CHST10: variants seen among roughly 807,000 people sequenced by gnomAD.
The protein encoded by CHST10 is HNK-1 sulfotransferase.
In CHST10, 24 loss-of-function variants were observed where a neutral mutation model predicts 34.7. The ratio of observed to expected loss-of-function variants is 0.69; its 90% confidence interval spans 0.50 to 0.97. CHST10 has a LOEUF of 0.97. Among genes scored for constraint, CHST10 ranks in the 50% least tolerant of loss-of-function variants. The pLI is 0.00. For synonymous variants in CHST10, 161 were observed against 169.3 expected (o/e 0.95, Z 0.38); for missense variants, 402 against 452.1 (o/e 0.89, Z 1.00).
chr2:100,393,413 G>C lies in CHST10; in HGVS notation c.903C>G (p.His301Gln), dbSNP rs1303948313. ...PYILKEAGID[H>Q]LVSYPTIPPG... is the part of the protein sequence containing the mutation. ...GAGGGATAGTCGGGTATGACACCAGGTGGTCAATGCCAGCCTCTTTTAAGA... is the reference window on the plus strand; with the variant it reads ...GAGGGATAGTCGGGTATGACACCAGCTGGTCAATGCCAGCCTCTTTTAAGA... Residue 301 changes from histidine (H) to glutamine (Q), a missense_variant, in exon 7 of 7, where the codon CAC becomes CAG. Transcript: ENST00000264249. 1.2e-6 allele frequency: 2 copies of C among 1,614,154 alleles called. No individual in the cohort carries two copies. The highest frequency in any genetic ancestry group is 8.5e-7 in the Non-Finnish European group (1 of 1,180,038).
At chr2:100,398,598 G>A (rs1050102615) in intron 4 of CHST10, among the ~76,000 whole-genome samples, 2 of 152,128 alleles carry the variant, frequency 1.3e-5, no homozygotes, top group Non-Finnish European at 2.9e-5. Context: ...CAGCTACTTA[G>A]GAGGCTCAGG....
intron 2 of CHST10, 58 bp downstream of exon 2, chr2:100,414,983 G>C (rs1676006732): frequency 2.5e-6 from 3 of 1,189,816 alleles, no homozygotes; most frequent in Non-Finnish European, 2.2e-6. Context: ...AAAAAGGCAG[G>C]AACAATACTG....
chr2:100,402,683 C>T, intron 3 of CHST10, 28 bp from the exon 4 acceptor site: 1 of 1,600,466 alleles, frequency 6.2e-7, no homozygotes, highest in South Asian at 1.1e-5. Flanking sequence ...TGAATGTCTT[C>T]TCTAAAAGGA....
At position 100,392,079 on chromosome 2, in the gene CHST10, GC is replaced by G. The variant is rs1220314319; in HGVS notation, c.*1165del. 1 of 152,682 alleles carries G rather than the reference GC, an allele frequency of 6.5e-6. No individual in the cohort carries two copies. The highest frequency in any genetic ancestry group is 2.4e-5 in the African/African-American group (1 of 41,436). The allele number at this position is 152,682 out of a possible 1,614,324, so 9.5% of individuals were successfully genotyped here. A position where few individuals can be genotyped will look rare whatever the true frequency, so the allele number is the denominator to read the frequency against. On this transcript the variant is annotated 3_prime_UTR_variant, in exon 7 of 7. Transcript: ENST00000264249. ...GTATCTGAAATGGTCGCTGCGGCTTGCCCTGCACCAGGGCCTACCTTGTTGC... is the reference window on the plus strand; with the variant it reads ...GTATCTGAAATGGTCGCTGCGGCTTGCCTGCACCAGGGCCTACCTTGTTGC...
intron 4 of CHST10, among the ~76,000 whole-genome samples, chr2:100,398,704 G>C (rs779162960): frequency 9.9e-5 from 15 of 152,124 alleles, no homozygotes; most frequent in Admixed American, 6.5e-5. Context: ...GCAAGACTCC[G>C]TCTTGGGGGA....
At chr2:100,399,375 G>A (rs1416575439) in intron 4 of CHST10, among the ~76,000 whole-genome samples, 3 of 152,168 alleles carry the variant, frequency 2.0e-5, no homozygotes, top group African/African-American at 7.2e-5. Flanking sequence ...AAAGTGCTGG[G>A]ATTACAGGCG....
chr2:100,413,222 A>C (rs1256018559), intron 2 of CHST10, among the ~76,000 whole-genome samples: 1 of 152,174 alleles, frequency 6.6e-6, no homozygotes, highest in East Asian at 1.9e-4. Flanking sequence ...CCCTTTGTTC[A>C]AGGAGCCAAG....
intron 5 of CHST10, 75 bp from the exon 6 acceptor site, chr2:100,395,689 A>G (rs1675025978): frequency 2.6e-6 from 3 of 1,157,234 alleles, no homozygotes; most frequent in South Asian, 1.3e-5. Context: ...TCCTTACCTC[A>G]TCTTTACCTT....
intron 3 of CHST10, among the ~76,000 whole-genome samples, chr2:100,406,260 T>G (rs1675567592): frequency 2.0e-5 from 3 of 152,178 alleles, no homozygotes. Flanking sequence ...AGAGGCGCCC[T>G]GCTGCAAGGC....
At chr2:100,413,854 G>A (rs1207434693) in intron 2 of CHST10, among the ~76,000 whole-genome samples, 1 of 152,036 alleles carries the variant, frequency 6.6e-6, no homozygotes, top group Non-Finnish European at 1.5e-5. Flanking sequence ...AAAGTCCCAT[G>A]GTAAATAAGC....
chr2:100,402,380 T>C (rs573963315), intron 4 of CHST10, among the ~76,000 whole-genome samples, 184 bp downstream of exon 4: 2 of 152,232 alleles, frequency 1.3e-5, no homozygotes, highest in African/African-American at 2.4e-5. Context: ...GGCACAAAAA[T>C]AGACGTGACC....
At chr2:100,395,116 G>A (rs951489810) in intron 6 of CHST10, among the ~76,000 whole-genome samples, 2 of 152,236 alleles carry the variant, frequency 1.3e-5, no homozygotes, top group Admixed American at 6.5e-5. Flanking sequence ...TCCCACAGCA[G>A]TGGGCACAAT....
intron 1 of CHST10, chr2:100,416,600 G>A (rs1354842865): frequency 9.7e-6 from 2 of 206,494 alleles, no homozygotes; most frequent in South Asian, 8.4e-5. Flanking sequence ...TTTTAACAGC[G>A]TCTGAGACAT....
rs140321683 is a variant in CHST10 at position 100,415,056 on chromosome 2, G to A, written c.-48C>T. ...CTTCACGTACCTTCTGCAGCCTGGG[G>A]CTCACATTTCCTTGCTGTGTTTCCC... On this transcript the variant is annotated 5_prime_UTR_variant, in exon 2 of 7. Coordinates refer to ENST00000264249, the MANE Select transcript of CHST10 (RefSeq NM_004854.5). The A allele has an allele frequency of 1.0e-5, 13 of 1,303,388 alleles. No individual in the cohort carries two copies. In the East Asian group the frequency reaches 6.7e-4, roughly 67 times the overall value. The allele number at this position is 1,303,388 out of a possible 1,614,324, so 80.7% of individuals were successfully genotyped here. A position where few individuals can be genotyped will look rare whatever the true frequency, so the allele number is the denominator to read the frequency against.
intron 2 of CHST10, among the ~76,000 whole-genome samples, chr2:100,407,363 A>G (rs1675624452): frequency 6.6e-6 from 1 of 152,032 alleles, no homozygotes; most frequent in South Asian, 2.1e-4. Flanking sequence ...CAGAAGCCAC[A>G]CTCTCCTGCA....
chr2:100,393,592 G>A lies in CHST10; in HGVS notation c.724C>T (p.Arg242Cys), dbSNP rs144032903. The A allele has an allele frequency of 7.5e-5, 121 of 1,613,970 alleles. No homozygotes were observed. Among genetic ancestry groups the A allele is most frequent in the African/African-American group, 3.2e-4 (24 of 74,874 alleles). Residue 242 changes from arginine (R) to cysteine (C), a missense_variant, in exon 7 of 7, where the codon CGC becomes TGC. Physicochemically the swap from Arg to Cys is radical, Grantham distance 180 (BLOSUM62 -3). Transcript: ENST00000264249. ...CTGTGGTTCGGATCGCCGAGGTAGCGCACGAAATCTTCAAACTGGATCCCC... is the reference window on the plus strand; with the variant it reads ...CTGTGGTTCGGATCGCCGAGGTAGCACACGAAATCTTCAAACTGGATCCCC... The part of the protein sequence containing the change: ...TRGIQFEDFV[R>C]YLGDPNHRWL...
chr2:100,396,622 G>A (rs12467104), intron 5 of CHST10, among the ~76,000 whole-genome samples: 18,633 of 152,190 alleles, frequency 0.12, 1,556 homozygotes, highest in Middle Eastern at 0.19. Context: ...TGTAAACTAG[G>A]CGTGGGGAGC....
chr2:100,405,488 G>C (rs2104363950), intron 3 of CHST10, among the ~76,000 whole-genome samples: 1 of 152,308 alleles, frequency 6.6e-6, no homozygotes, highest in East Asian at 1.9e-4. Flanking sequence ...GAGAGGATGG[G>C]GCAGGAGGTG....
At chr2:100,399,101 T>C (rs890473100) in intron 4 of CHST10, among the ~76,000 whole-genome samples, 20 of 122,476 alleles carry the variant, frequency 1.6e-4, no homozygotes, top group African/African-American at 4.7e-4. Context: ...TCTCTCTCTC[T>C]CTTTTTTTTT....
Sources: gnomAD v4.1 joint callset for allele counts (sites outside exome capture counted in the v4.1 genomes callset) on GRCh38, gnomAD v4.1.1 for gene constraint, MANE v1.5 for transcripts, NCBI Gene and HGNC (gene_info 2026-07-23, HGNC 2026-07-21) for gene names.